Variants in SCG5 observed in about 807,000 individuals in gnomAD.
SCG5 encodes secretogranin V.
A neutral mutation model predicts 25.7 loss-of-function variants in SCG5; 18 were observed. The observed-to-expected ratio is 0.70, with a 90% CI of 0.48 to 1.04. The LOEUF (loss-of-function observed/expected upper bound fraction) is 1.04, where lower values mean the gene tolerates loss of function less well. Among genes scored for constraint, SCG5 ranks in the 50% least tolerant of loss-of-function variants. The pLI, the probability that SCG5 is intolerant of heterozygous loss-of-function variation, is 0.00. For synonymous variants in SCG5, 101 were observed against 91.7 expected, an observed-to-expected ratio of 1.10 and a Z score of -0.58; for missense variants, 206 against 259.8, an observed-to-expected ratio of 0.79 and a Z score of 1.42.
intron 2 of SCG5, among the ~76,000 whole-genome samples, chr15:32,663,928 G>C (rs1355133567): frequency 6.6e-6 from 1 of 152,186 alleles, no homozygotes; most frequent in African/African-American, 2.4e-5. Flanking sequence ...CATGACAACA[G>C]TGCATATTTG....
At chr15:32,679,697 T>A in intron 2 of SCG5, 69 bp from the exon 3 acceptor site, 1 of 1,529,052 alleles carries the variant, frequency 6.5e-7, no homozygotes, top group Non-Finnish European at 9.0e-7. Flanking sequence ...CTGTGTGATA[T>A]GCCTGAATAA....
At chr15:32,688,164 T>A (rs928150298) in intron 4 of SCG5, among the ~76,000 whole-genome samples, 17 of 152,130 alleles carry the variant, frequency 1.1e-4, no homozygotes, top group African/African-American at 3.9e-4. Flanking sequence ...TCCTAACCTG[T>A]CCTGTGTGGT....
At chr15:32,694,545 C>T (rs2054920616) in intron 5 of SCG5, among the ~76,000 whole-genome samples, 3 of 152,188 alleles carry the variant, frequency 2.0e-5, no homozygotes, top group African/African-American at 7.2e-5. Context: ...CTCATATCCT[C>T]CTTTAACATA....
At chr15:32,696,308 G>A (rs1294202614) in intron 5 of SCG5, among the ~76,000 whole-genome samples, 4 of 151,964 alleles carry the variant, frequency 2.6e-5, no homozygotes, top group African/African-American at 2.4e-5. Flanking sequence ...TAGTACAGAC[G>A]GGGTTTCACC....
chr15:32,656,483 G>GTT (rs2054119862), intron 2 of SCG5, among the ~76,000 whole-genome samples: 1 of 152,208 alleles, frequency 6.6e-6, no homozygotes, highest in Non-Finnish European at 1.5e-5. Context: ...GGTTAAAAAC[G>GTT]TTTATCATTG....
chr15:32,689,845 T>C (rs2054811386), intron 4 of SCG5, among the ~76,000 whole-genome samples: 2 of 149,910 alleles, frequency 1.3e-5, no homozygotes, highest in African/African-American at 2.4e-5. Context: ...GCATTTCTTT[T>C]TTTTTTTTTT....
chr15:32,658,668 G>A (rs1205678530), intron 2 of SCG5, among the ~76,000 whole-genome samples: 1 of 152,196 alleles, frequency 6.6e-6, no homozygotes, highest in Non-Finnish European at 1.5e-5. Flanking sequence ...CCCACAGAAT[G>A]TTCTGTAACA....
intron 4 of SCG5, among the ~76,000 whole-genome samples, chr15:32,686,942 A>G (rs1199631968): frequency 6.6e-6 from 1 of 152,240 alleles, no homozygotes; most frequent in East Asian, 1.9e-4. Flanking sequence ...AGGAAGATCC[A>G]GAACTGAGGA....
At chr15:32,688,065 G>T (rs540022889) in intron 4 of SCG5, among the ~76,000 whole-genome samples, 46 of 152,286 alleles carry the variant, frequency 3.0e-4, no homozygotes, top group African/African-American at 9.9e-4. Flanking sequence ...AGCCTGCTCA[G>T]CCCACAGAGC....
Position 32,690,929 on chromosome 15 carries a change from C to G in SCG5, c.490-781C>G, listed in dbSNP as rs28502625. Among the ~76,000 whole-genome samples the G allele has an allele frequency of 3.0e-3, 458 of 151,576 alleles. 4 individuals carry two copies. The highest frequency in any genetic ancestry group is 0.016 in the South Asian group (78 of 4,780). On this transcript the variant is annotated intron_variant, in intron 4 of 5. Transcript: ENST00000300175. ...TAAAACAACACAAGTAAAGCCCCCCCCCACCGCCACCAAATCCCCTTCTCC... is the reference window on the plus strand; with the variant it reads ...TAAAACAACACAAGTAAAGCCCCCCGCCACCGCCACCAAATCCCCTTCTCC...
intron 2 of SCG5, among the ~76,000 whole-genome samples, chr15:32,663,395 A>T (rs1261363903): frequency 6.6e-6 from 1 of 151,936 alleles, no homozygotes; most frequent in African/African-American, 2.4e-5. Flanking sequence ...TCTTCTGGAC[A>T]TTTCATATAA....
chr15:32,666,012 T>G (rs114140958), intron 2 of SCG5: 10 of 152,216 alleles, frequency 6.6e-5, no homozygotes. Context: ...CAAAATCCTG[T>G]ATGAGCTATT....
intron 4 of SCG5, among the ~76,000 whole-genome samples, chr15:32,685,103 A>C (rs1038536669): frequency 1.7e-4 from 26 of 152,386 alleles, no homozygotes; most frequent in African/African-American, 5.8e-4. Context: ...GCCAGAGCTT[A>C]GAAACAGATA....
At chr15:32,657,199 G>GTATATATATACATA (rs2054132056) in intron 2 of SCG5, among the ~76,000 whole-genome samples, 1 of 6,674 alleles carries the variant, frequency 1.5e-4, no homozygotes, top group African/African-American at 5.1e-4. Flanking sequence ...TCATCCTCCT[G>GTATATATATACATA]TATATATATA....
chr15:32,677,537 A>C (rs2054551531), intron 2 of SCG5: 1 of 152,218 alleles, frequency 6.6e-6, no homozygotes, highest in African/African-American at 2.4e-5. Flanking sequence ...GCCTCATTCA[A>C]CTAGACTTAA....
At chr15:32,663,851 C>G (rs1397011591) in intron 2 of SCG5, among the ~76,000 whole-genome samples, 1 of 151,220 alleles carries the variant, frequency 6.6e-6, no homozygotes, top group African/African-American at 2.4e-5. Context: ...AAAGGAGCCA[C>G]TCCCTTGTCA....
chr15:32,648,847 C>CT (rs1355739852), intron 2 of SCG5, among the ~76,000 whole-genome samples: 3 of 151,860 alleles, frequency 2.0e-5, no homozygotes, highest in Non-Finnish European at 4.4e-5. Flanking sequence ...TCTCGGCTCA[C>CT]TGCAAGCTCC....
chr15:32,647,251 A>G (rs185411346), intron 2 of SCG5, among the ~76,000 whole-genome samples: 130 of 152,268 alleles, frequency 8.5e-4, no homozygotes, highest in African/African-American at 3.1e-3. Flanking sequence ...TTCTAAACAA[A>G]TCATCATCAT....
intron 2 of SCG5, among the ~76,000 whole-genome samples, chr15:32,650,353 G>A (rs1341963723): frequency 6.6e-6 from 1 of 152,062 alleles, no homozygotes; most frequent in Admixed American, 6.6e-5. Context: ...CGCCCATCTC[G>A]GCCTCCCAAA....
Sources: gnomAD v4.1 joint callset for allele counts (sites outside exome capture counted in the v4.1 genomes callset) on GRCh38, gnomAD v4.1.1 for gene constraint, MANE v1.5 for transcripts, NCBI Gene and HGNC (gene_info 2026-07-23, HGNC 2026-07-21) for gene names.